CCDC3: variants seen among roughly 807,000 people sequenced by gnomAD.
CCDC3 encodes the protein coiled-coil domain containing 3, also known as coiled-coil domain-containing protein 3.
Under a neutral mutation model 21.4 loss-of-function variants are expected in CCDC3, and 24 were observed. That is an observed-to-expected ratio of 1.12 (90% CI 0.81 to 1.58). CCDC3 has a LOEUF of 1.58. CCDC3 is among the 40% of genes most tolerant of loss of function. CCDC3 has a pLI of 0.00. For synonymous variants in CCDC3, 186 were observed against 166.0 expected (o/e 1.12, Z -0.93); for missense variants, 425 against 360.9 (o/e 1.18, Z -1.44).
chr10:13,063,124 A>G (rs1836780275), intron 4 of CCDC3, among the ~76,000 whole-genome samples: 1 of 72,686 alleles, frequency 1.4e-5, no homozygotes, highest in African/African-American at 5.6e-5. Flanking sequence ...GTTATTTTTA[A>G]AAACTTTGCT....
intron 2 of CCDC3, among the ~76,000 whole-genome samples, chr10:12,938,318 C>A (rs556377081): frequency 2.0e-5 from 3 of 149,592 alleles, no homozygotes; most frequent in Admixed American, 1.3e-4. Context: ...TACTTTTAGC[C>A]CCCAGTCCTC....
chr10:12,934,226 C>G (rs990653721), intron 2 of CCDC3, among the ~76,000 whole-genome samples: 19 of 152,180 alleles, frequency 1.2e-4, no homozygotes, highest in African/African-American at 3.9e-4. Flanking sequence ...TGTACAGTCT[C>G]CAAGTATCTG....
intron 4 of CCDC3, among the ~76,000 whole-genome samples, chr10:13,053,349 A>G (rs952835435): frequency 6.6e-6 from 1 of 152,080 alleles, no homozygotes; most frequent in African/African-American, 2.4e-5. Context: ...TGGGAAGATC[A>G]TTTGAGACCA....
intron 5 of CCDC3, among the ~76,000 whole-genome samples, chr10:13,020,382 T>G (rs1380572189): frequency 6.6e-6 from 1 of 152,210 alleles, no homozygotes; most frequent in East Asian, 1.9e-4. Flanking sequence ...TAGCAAGAGA[T>G]AAATCATCTT....
intron 3 of CCDC3, among the ~76,000 whole-genome samples, chr10:13,092,924 G>T (rs1301323445): frequency 6.6e-6 from 1 of 152,088 alleles, no homozygotes; most frequent in Non-Finnish European, 1.5e-5. Context: ...AAGGCAACCT[G>T]GTGAGAGAAA....
intron 5 of CCDC3, among the ~76,000 whole-genome samples, chr10:13,028,426 T>C (rs778910778): frequency 7.9e-5 from 12 of 152,168 alleles, no homozygotes; most frequent in Non-Finnish European, 1.8e-4. Flanking sequence ...ATTAGCAGCA[T>C]GAGAACAGAC....
rs561868032 is a variant in CCDC3, at chr10:12,969,520, C to T, written c.549+28818G>A. 4.0e-5 allele frequency among the ~76,000 whole-genome samples: 6 copies of T among 151,698 alleles called. No homozygotes were observed. In the South Asian group the frequency reaches 1.0e-3, roughly 26 times the overall value. On this transcript the variant is annotated intron_variant, in intron 2 of 2. Coordinates refer to ENST00000378825, the MANE Select transcript of CCDC3 (RefSeq NM_031455.4). ...TTAGTACATAAGATTCAGAAGCTTA[C>T]GTACCCAGTAGTAAACCGACTACTG...
chr10:13,027,732 A>AC (rs397786983), intron 5 of CCDC3, among the ~76,000 whole-genome samples: 3 of 148,544 alleles, frequency 2.0e-5, no homozygotes, highest in East Asian at 2.0e-4. Context: ...AAAAAAAAAA[A>AC]CAAAAAAAAA....
chr10:12,971,833 C>G (rs1184050386), intron 2 of CCDC3, among the ~76,000 whole-genome samples: 1 of 152,094 alleles, frequency 6.6e-6, no homozygotes, highest in Non-Finnish European at 1.5e-5. Context: ...ATTACAGGTG[C>G]CTGCCACCAT....
chr10:12,908,581 C>G (rs1834213263), intron 2 of CCDC3, among the ~76,000 whole-genome samples: 1 of 151,398 alleles, frequency 6.6e-6, no homozygotes, highest in Non-Finnish European at 1.5e-5. Flanking sequence ...GTGCTGAAAT[C>G]ACAGATTCTT....
intron 2 of CCDC3, among the ~76,000 whole-genome samples, chr10:12,944,444 T>C (rs953622868): frequency 2.6e-5 from 4 of 152,246 alleles, no homozygotes; most frequent in African/African-American, 9.6e-5. Flanking sequence ...TGAATCTGCC[T>C]CTGACCTGGA....
At chr10:12,924,786 G>A (rs1307504684) in intron 2 of CCDC3, 3 of 152,202 alleles carry the variant, frequency 2.0e-5, no homozygotes, top group South Asian at 2.1e-4. Context: ...ACGGCCGTAA[G>A]TGACTCATTT....
Position 13,030,388 on chromosome 10 carries a change from T to C in CCDC3, c.-2+19286A>G, listed in dbSNP as rs998485645. ...ACCGGTACCACCCACTGCAAAAACA[T>C]GCCAAATTGTAAAGACCATCAATGC... On this transcript the variant is annotated intron_variant, in intron 5 of 6. Transcript: ENST00000378839. 8.5e-5 allele frequency among the ~76,000 whole-genome samples: 13 copies of C among 152,108 alleles called. 1 individual carries two copies. The highest frequency in any genetic ancestry group is 3.1e-4 in the African/African-American group (13 of 41,428).
intron 4 of CCDC3, chr10:13,058,420 G>A (rs1185740534): frequency 3.4e-5 from 27 of 800,616 alleles, no homozygotes; most frequent in Admixed American, 5.1e-5. Context: ...CCTTCACACC[G>A]TATTTTGGCA....
intron 2 of CCDC3, among the ~76,000 whole-genome samples, chr10:12,994,413 CAAAA>C (rs1212456630): frequency 8.0e-6 from 1 of 125,096 alleles, no homozygotes; most frequent in Admixed American, 7.9e-5. Flanking sequence ...CAAAACAAAA[CAAAA>C]AAAAAAAACA....
intron 2 of CCDC3, 69 bp downstream of exon 2, chr10:12,998,269 T>A (rs747422622): frequency 2.9e-5 from 45 of 1,527,188 alleles, no homozygotes; most frequent in Non-Finnish European, 3.3e-5. Context: ...ATTCCTTTGG[T>A]CACAAAATTC....
chr10:13,033,421 A>G (rs1836331723), intron 5 of CCDC3, among the ~76,000 whole-genome samples: 1 of 152,258 alleles, frequency 6.6e-6, no homozygotes, highest in Non-Finnish European at 1.5e-5. Context: ...CATTCAGGAC[A>G]TAGGCATGGG....
chr10:12,901,989 G>C (rs907581748), intron 2 of CCDC3, among the ~76,000 whole-genome samples: 12 of 152,098 alleles, frequency 7.9e-5, no homozygotes, highest in Admixed American at 2.0e-4. Flanking sequence ...TTTCCACCGG[G>C]TCTCCCTGTG....
At chr10:12,925,259 G>A (rs1663339345) in intron 2 of CCDC3, among the ~76,000 whole-genome samples, 1 of 152,130 alleles carries the variant, frequency 6.6e-6, no homozygotes, top group South Asian at 2.1e-4. Flanking sequence ...GAGAAATCCA[G>A]CCAGTGGGAG....
Sources: allele counts gnomAD v4.1 joint callset (sites outside exome capture counted in the v4.1 genomes callset), GRCh38; gene constraint gnomAD v4.1.1; transcripts MANE v1.5; gene names NCBI Gene and HGNC (gene_info 2026-07-23, HGNC 2026-07-21).